The following GPR19 variants were observed in gnomAD, a reference collection of about 807,000 sequenced individuals.
GPR19 encodes G protein-coupled receptor 19, also known as probable G protein-coupled receptor 19.
A neutral mutation model predicts 28.5 loss-of-function variants in GPR19; 14 were observed. The ratio of observed to expected loss-of-function variants is 0.49; its 90% CI spans 0.32 to 0.77. The LOEUF (loss-of-function observed/expected upper bound fraction) is 0.77, where lower values mean the gene tolerates loss of function less well. Among genes scored for constraint, GPR19 ranks in the 30% least tolerant of loss-of-function variants. The probability of loss-of-function intolerance (pLI) is 0.03; values close to 1 mark genes in which losing one functional copy is unlikely to be tolerated. For missense variants in GPR19, 409 were observed against 504.1 expected (o/e 0.81, Z 1.81); for synonymous variants, 173 against 184.1 (o/e 0.94, Z 0.49).
upstream of GPR19, among the ~76,000 whole-genome samples, chr12:12,697,049 C>A (rs1438365944): frequency 3.3e-5 from 5 of 151,800 alleles, no homozygotes; most frequent in Admixed American, 2.6e-4. Context: ...AGAATGTAGG[C>A]CTAGTTATGG....
chr12:12,671,949 A>G (rs1315753690), intron 3 of GPR19, among the ~76,000 whole-genome samples: 1 of 152,216 alleles, frequency 6.6e-6, no homozygotes, highest in Non-Finnish European at 1.5e-5. Flanking sequence ...TGAAAATGAA[A>G]ACAGAAGAGA....
In GPR19 at chr12:12,692,177, A is replaced by G. The variant is rs552986289; in HGVS notation, c.-180+3282T>C. ...AGTTTCCCTGTACCTCACAGGTATTAAAGACTGATTCCTTATCTCAATGGG... is the reference window on the plus strand; with the variant it reads ...AGTTTCCCTGTACCTCACAGGTATTGAAGACTGATTCCTTATCTCAATGGG... On this transcript the variant is annotated intron_variant, in intron 2 of 3. Coordinates refer to ENST00000651487, the MANE Select transcript of GPR19 (RefSeq NM_006143.3). Among the ~76,000 whole-genome samples, 34 of 152,328 alleles carry G rather than the reference A, an allele frequency of 2.2e-4. No individual in the cohort carries two copies. In the East Asian group the frequency reaches 6.0e-3, roughly 27 times the overall value.
At chr12:12,703,448 C>T in the GPR19 span, 2 of 984,578 alleles carry the variant, frequency 2.0e-6, no homozygotes, top group Non-Finnish European at 2.4e-6. Context: ...TTGAAAGGTT[C>T]GCAGGTAAAT....
chr12:12,693,706 CCAAA>C (rs1410927962), intron 2 of GPR19, among the ~76,000 whole-genome samples: 1 of 152,170 alleles, frequency 6.6e-6, no homozygotes, highest in Non-Finnish European at 1.5e-5. Flanking sequence ...CTTCATTCCT[CCAAA>C]CGTGTTTTCC....
chr12:12,675,281 T>A (rs1001982282), intron 3 of GPR19, among the ~76,000 whole-genome samples: 3 of 152,064 alleles, frequency 2.0e-5, no homozygotes, highest in African/African-American at 7.2e-5. Context: ...AGTATCCCCA[T>A]AGATTTTGTT....
chr12:12,693,308 C>T (rs948592268), intron 2 of GPR19, among the ~76,000 whole-genome samples: 1 of 152,208 alleles, frequency 6.6e-6, no homozygotes, highest in Non-Finnish European at 1.5e-5. Context: ...GCTGCACATG[C>T]ATTCCCATGT....
intron 2 of GPR19, among the ~76,000 whole-genome samples, chr12:12,692,331 C>T (rs1191030625): frequency 6.6e-6 from 1 of 152,198 alleles, no homozygotes; most frequent in African/African-American, 2.4e-5. Context: ...GTCTATTCCT[C>T]TCTTTGAGTG....
chr12:12,661,876 A>C lies in GPR19; in HGVS notation c.573T>G (p.Asp191Glu). 1 of 1,614,234 alleles carries C rather than the reference A, an allele frequency of 6.2e-7. No individual in the cohort carries two copies. Among genetic ancestry groups the C allele is most frequent in the Non-Finnish European group, 8.5e-7 (1 of 1,180,030 alleles). The change falls in exon 4 of 4, where the codon GAT becomes GAG. Residue 191 changes from aspartate to glutamate, a missense_variant. Asp to Glu is a conservative substitution (Grantham distance 45). Coordinates refer to ENST00000651487, the MANE Select transcript of GPR19 (RefSeq NM_006143.3). This position sits in a 1 kb window ranked among gnomAD's most constrained non-coding sequence, Gnocchi z 4.2. ...KKMIAASWVFDAGFVTPVLFF... is the reference protein window; with the variant it reads ...KKMIAASWVFEAGFVTPVLFF... ...AGAGCACAGGGGTCACAAAGCCTGC[A>C]TCAAAGACCCACGATGCCGCAATCA...
the GPR19 span, chr12:12,716,613 GTTTTTT>G: frequency 1.3e-5 from 3 of 225,020 alleles, no homozygotes; most frequent in Non-Finnish European, 1.4e-5. Context: ...AGAGTTTTTT[GTTTTTT>G]TTTTTTAATC....
In GPR19 at chr12:12,662,066, G is replaced by A; in HGVS notation, c.383C>T (p.Thr128Ile). The A allele has an allele frequency of 6.2e-7, 1 of 1,614,246 alleles. No individual in the cohort carries two copies. Among genetic ancestry groups the A allele is most frequent in the Non-Finnish European group, 8.5e-7 (1 of 1,180,038 alleles). The change falls in exon 4 of 4, where the codon ACT becomes ATT. Residue 128 changes from threonine to isoleucine, a missense_variant. Physicochemically the swap from Thr to Ile is moderately conservative, Grantham distance 89. Transcript: ENST00000651487. Reference sequence around the variant, plus strand: ...TGCACTACCCAGCGTCCACCTTCCAGTGGTGAACTGGAGCAGGACGAAAGG... The same window carrying A: ...TGCACTACCCAGCGTCCACCTTCCAATGGTGAACTGGAGCAGGACGAAAGG... ...STPFVLLQFT[T>I]GRWTLGSATC...
the GPR19 span, among the ~76,000 whole-genome samples, chr12:12,711,290 C>CAAAA: frequency 9.1e-6 from 1 of 109,692 alleles, no homozygotes; most frequent in African/African-American, 3.8e-5. Context: ...GAGACTCCAT[C>CAAAA]AAAAAAAAAA....
the GPR19 span, chr12:12,703,364 G>T: frequency 1.0e-6 from 1 of 985,088 alleles, no homozygotes; most frequent in Non-Finnish European, 1.2e-6. Flanking sequence ...AGTATATGGA[G>T]TATGCGTGAG....
At chr12:12,709,875 T>A in the GPR19 span, among the ~76,000 whole-genome samples, 5 of 152,152 alleles carry the variant, frequency 3.3e-5, no homozygotes, top group African/African-American at 1.2e-4. Context: ...CTAGCCAAGT[T>A]TAGGTCAAAC....
chr12:12,712,023 C>G, the GPR19 span, among the ~76,000 whole-genome samples: 8 of 152,236 alleles, frequency 5.3e-5, no homozygotes, highest in African/African-American at 7.2e-5. Flanking sequence ...TCAGACACTA[C>G]TTCCAAACAC....
At chr12:12,697,856 A>G (rs1946289366), upstream of GPR19, among the ~76,000 whole-genome samples, 2 of 152,224 alleles carry the variant, frequency 1.3e-5, no homozygotes, top group Non-Finnish European at 2.9e-5. Context: ...AGTAACTTTA[A>G]AATTCCGCTC....
intron 2 of GPR19, chr12:12,688,698 A>G (rs1010773194): frequency 2.0e-5 from 3 of 152,270 alleles, no homozygotes; most frequent in Non-Finnish European, 4.4e-5. Flanking sequence ...CTCTTGAAGG[A>G]TGATGCTGAA....
At position 12,685,610 on chromosome 12, in the gene GPR19, G is replaced by A. The variant is rs948414210; in HGVS notation, c.-179-1103C>T. Among the ~76,000 whole-genome samples, 4 of 152,300 alleles carry A rather than the reference G, an allele frequency of 2.6e-5. No homozygotes were observed. In the South Asian group the frequency reaches 8.3e-4, roughly 32 times the overall value. On this transcript the variant is annotated intron_variant, in intron 2 of 3. Transcript: ENST00000651487. ...GAGGGAAAAGGACTGAATTGCTGAG[G>A]AGGGATTTAAACAGTATTCTCAGAG... is the stretch of plus-strand genomic sequence containing the variant.
chr12:12,669,105 T>C (rs1431588018), intron 3 of GPR19: 1 of 152,252 alleles, frequency 6.6e-6, no homozygotes, highest in East Asian at 1.9e-4. Context: ...TTATTCCCTA[T>C]AGCCTCTTGC....
chr12:12,665,560 C>G (rs990302215), intron 3 of GPR19, among the ~76,000 whole-genome samples: 21 of 152,210 alleles, frequency 1.4e-4, no homozygotes, highest in Middle Eastern at 3.4e-3. Flanking sequence ...AAAGATCGGC[C>G]GAGCGCGGTG....
Sources: allele counts gnomAD v4.1 joint callset (sites outside exome capture counted in the v4.1 genomes callset), GRCh38; gene constraint gnomAD v4.1.1; non-coding constraint Gnocchi (gnomAD v3.1); transcripts MANE v1.5; gene names NCBI Gene and HGNC (gene_info 2026-07-23, HGNC 2026-07-21).